Variants in PDE1A observed in about 807,000 individuals in gnomAD.
PDE1A encodes the protein phosphodiesterase 1A, also known as dual specificity calcium/calmodulin-dependent 3',5'-cyclic nucleotide phosphodiesterase 1A.
PDE1A carries 35 observed loss-of-function variants against 61.7 expected under a neutral mutation model. The observed-to-expected ratio is 0.57, with a 90% CI of 0.43 to 0.75. The LOEUF (loss-of-function observed/expected upper bound fraction) is 0.75. Among genes scored for constraint, PDE1A ranks in the 30% least tolerant of loss-of-function variants. PDE1A has a pLI of 0.00. For missense variants in PDE1A, 597 were observed against 630.6 expected, an observed-to-expected ratio of 0.95 and a Z score of 0.57; for synonymous variants, 232 against 213.2, an observed-to-expected ratio of 1.09 and a Z score of -0.77.
At chr2:182,212,687 C>A (rs1203323450) in intron 7 of PDE1A, among the ~76,000 whole-genome samples, 1 of 152,208 alleles carries the variant, frequency 6.6e-6, no homozygotes, top group Non-Finnish European at 1.5e-5. Flanking sequence ...TCACTCCCAC[C>A]CGAATACTGC....
intron 13 of PDE1A, among the ~76,000 whole-genome samples, chr2:182,182,176 A>G (rs1684820151): frequency 6.6e-6 from 1 of 152,182 alleles, no homozygotes; most frequent in Non-Finnish European, 1.5e-5. Context: ...ACAGAATGCC[A>G]AATTGTTCCA....
intron 1 of PDE1A, among the ~76,000 whole-genome samples, chr2:182,333,952 C>T (rs575820567): frequency 1.3e-5 from 2 of 152,236 alleles, no homozygotes. Context: ...CTATAAACAC[C>T]TCTATGCAAA....
chr2:182,425,821 A>T (rs995962277), intron 1 of PDE1A, among the ~76,000 whole-genome samples: 1 of 152,188 alleles, frequency 6.6e-6, no homozygotes, highest in Non-Finnish European at 1.5e-5. Flanking sequence ...TGACTTTCTT[A>T]AAAATCTTCT....
At chr2:182,494,018 C>T (rs1688558969) in intron 2 of PDE1A, among the ~76,000 whole-genome samples, 1 of 152,204 alleles carries the variant, frequency 6.6e-6, no homozygotes, top group Admixed American at 6.5e-5. Flanking sequence ...ATTATATAAA[C>T]AGAGAATGAT....
At chr2:182,659,992 T>C in the PDE1A span, among the ~76,000 whole-genome samples, 1 of 152,208 alleles carries the variant, frequency 6.6e-6, no homozygotes, top group Non-Finnish European at 1.5e-5. Context: ...CAGCAAGACA[T>C]TAGTAAAACT....
chr2:182,156,058 T>C (rs888991146), intron 13 of PDE1A, among the ~76,000 whole-genome samples: 37 of 152,168 alleles, frequency 2.4e-4, no homozygotes, highest in Admixed American at 2.1e-3. Flanking sequence ...CCTGCCACCA[T>C]GTAAGCCATG....
intron 1 of PDE1A, among the ~76,000 whole-genome samples, chr2:182,329,689 CCTGT>C (rs1697276840): frequency 6.6e-6 from 1 of 152,172 alleles, no homozygotes; most frequent in East Asian, 1.9e-4. Context: ...CCAGGCCTGG[CCTGT>C]CTAATTACCA....
intron 2 of PDE1A, among the ~76,000 whole-genome samples, chr2:182,491,150 C>A (rs1009129302): frequency 6.6e-6 from 1 of 152,118 alleles, no homozygotes; most frequent in Non-Finnish European, 1.5e-5. Context: ...GATTGGTGGA[C>A]AACAAATAGG....
intron 2 of PDE1A, among the ~76,000 whole-genome samples, chr2:182,503,040 TACACACACACACAC>T (rs35067674): frequency 1.0e-5 from 1 of 96,926 alleles, no homozygotes. Context: ...CATTCTTTCT[TACACACACACACAC>T]ACACACACAC....
At chr2:182,209,744 C>CGGA (rs1687422706) in intron 7 of PDE1A, among the ~76,000 whole-genome samples, 1 of 151,990 alleles carries the variant, frequency 6.6e-6, no homozygotes, top group African/African-American at 2.4e-5. Flanking sequence ...AATATGCTTG[C>CGGA]TTCCCCTTCG....
intron 13 of PDE1A, among the ~76,000 whole-genome samples, chr2:182,154,020 T>G (rs756155014): frequency 1.3e-5 from 2 of 152,150 alleles, no homozygotes; most frequent in Non-Finnish European, 2.9e-5. Context: ...ATTTTAACTA[T>G]CTACCTAAGT....
At chr2:182,464,514 CA>C (rs1686524379) in intron 2 of PDE1A, among the ~76,000 whole-genome samples, 1 of 152,088 alleles carries the variant, frequency 6.6e-6, no homozygotes, top group South Asian at 2.1e-4. Context: ...GACTATGCAT[CA>C]ACCTCTTATT....
intron 2 of PDE1A, among the ~76,000 whole-genome samples, chr2:182,458,966 T>C (rs890681128): frequency 6.6e-6 from 1 of 152,128 alleles, no homozygotes; most frequent in African/African-American, 2.4e-5. Flanking sequence ...TATCAATATC[T>C]TCTCTTGTTC....
At chr2:182,612,681 A>T in the PDE1A span, among the ~76,000 whole-genome samples, 60,968 of 152,140 alleles carry the variant, frequency 0.4, 13,659 homozygotes, top group East Asian at 0.58. Flanking sequence ...TGGGGCCTCT[A>T]TAAAGATGGG....
At position 182,184,007 on chromosome 2, in the gene PDE1A, G is replaced by GAAGAAAGAAAGA. The variant is rs36010429; in HGVS notation, c.1516+1873_1516+1884dup. On this transcript the variant is annotated intron_variant, in intron 13 of 13. Coordinates refer to ENST00000351439, the Ensembl canonical transcript of PDE1A. Reference sequence around the variant, plus strand: ...AACAAAAGAAGGAAGGAAAGGAAGAGAAGAAAGAAAGAAAGAAAGAAAGAA... The same window carrying GAAGAAAGAAAGA: ...AACAAAAGAAGGAAGGAAAGGAAGAGAAGAAAGAAAGAAAGAAAGAAAGAAAGAAAGAAAGAA... Among the ~76,000 whole-genome samples the GAAGAAAGAAAGA allele has an allele frequency of 7.0e-3, 938 of 134,684 alleles. 8 individuals carry two copies. The highest frequency in any genetic ancestry group is 0.014 in the Middle Eastern group (4 of 276). The allele number at this position is 134,684 out of a possible 152,430, so 88.4% of individuals were successfully genotyped here.
chr2:182,409,227 A>C (rs1702473846), intron 1 of PDE1A, among the ~76,000 whole-genome samples: 1 of 152,154 alleles, frequency 6.6e-6, no homozygotes, highest in African/African-American at 2.4e-5. Context: ...AGTGTCTCCT[A>C]ACTCTCACTT....
chr2:182,586,008 G>T, the PDE1A span, among the ~76,000 whole-genome samples: 1 of 152,124 alleles, frequency 6.6e-6, no homozygotes, highest in Non-Finnish European at 1.5e-5. Flanking sequence ...TTACACAGAT[G>T]ATATAGAATA....
intron 2 of PDE1A, among the ~76,000 whole-genome samples, chr2:182,256,433 G>A (rs1691820745): frequency 6.6e-6 from 1 of 150,568 alleles, no homozygotes; most frequent in Non-Finnish European, 1.5e-5. Context: ...TTTTATGGCT[G>A]CATAGTATAA....
chr2:182,367,854 TTTA>T, intron 1 of PDE1A, among the ~76,000 whole-genome samples: 1 of 152,250 alleles, frequency 6.6e-6, no homozygotes, highest in South Asian at 2.1e-4. Flanking sequence ...AAAAATCCAC[TTTA>T]TTGAGATATA....
Sources: gnomAD v4.1 joint callset for allele counts (sites outside exome capture counted in the v4.1 genomes callset) on GRCh38, gnomAD v4.1.1 for gene constraint, MANE v1.5 for transcripts, NCBI Gene and HGNC (gene_info 2026-07-23, HGNC 2026-07-21) for gene names.